The following CCL28 variants were observed in gnomAD, a reference collection of about 807,000 sequenced individuals.
The protein encoded by CCL28 is C-C motif chemokine 28.
CCL28 carries 4 observed loss-of-function variants against 7.1 expected under a neutral mutation model. That is an observed-to-expected ratio of 0.56 (90% CI 0.28 to 1.29). CCL28 has a LOEUF of 1.29. CCL28 is among the 50% of genes most tolerant of loss of function. The probability of loss-of-function intolerance (pLI) is 0.11; values close to 1 mark genes in which losing one functional copy is unlikely to be tolerated. For missense variants in CCL28, 151 were observed against 163.4 expected, an observed-to-expected ratio of 0.92 and a Z score of 0.41; for synonymous variants, 55 against 57.8, an observed-to-expected ratio of 0.95 and a Z score of 0.22.
intron 1 of CCL28, among the ~76,000 whole-genome samples, chr5:43,410,797 G>A (rs1381822345): frequency 6.6e-6 from 1 of 152,142 alleles, no homozygotes; most frequent in Non-Finnish European, 1.5e-5. Context: ...TAGCAGGTAG[G>A]CCTTTCAGAA....
chr5:43,400,996 T>C (rs1039858896), intron 1 of CCL28, among the ~76,000 whole-genome samples: 7 of 149,028 alleles, frequency 4.7e-5, no homozygotes, highest in African/African-American at 1.7e-4. Context: ...GACAGGAGAA[T>C]CACTTGAACC....
At chr5:43,374,074 T>A (rs184325628), downstream of CCL28, among the ~76,000 whole-genome samples, 1 of 152,348 alleles carries the variant, frequency 6.6e-6, no homozygotes. Flanking sequence ...TCAGTAGAAG[T>A]TGGTCATCTC....
chr5:43,389,464 G>A (rs1414084425), intron 1 of CCL28, among the ~76,000 whole-genome samples: 2 of 152,122 alleles, frequency 1.3e-5, no homozygotes, highest in African/African-American at 2.4e-5. Flanking sequence ...GAATCACTAC[G>A]CTAGACCCTG....
In CCL28 at chr5:43,404,610, A is replaced by C. The variant is rs189600720; in HGVS notation, c.64+7643T>G. 2.9e-3 allele frequency among the ~76,000 whole-genome samples: 443 copies of C among 152,318 alleles called. 3 individuals are homozygous for C. The highest frequency in any genetic ancestry group is 9.8e-4 in the Non-Finnish European group (67 of 68,024). The stretch of plus-strand genomic sequence containing the variant: ...AAGAAACTGCATCAACTAACGGGCA[A>C]AATAACCAGCTAGCATCATAATGAC... On this transcript the variant is annotated intron_variant, in intron 1 of 2. Coordinates refer to ENST00000361115, the MANE Select transcript of CCL28 (RefSeq NM_148672.3).
At chr5:43,403,321 G>T (rs767511808) in intron 1 of CCL28, among the ~76,000 whole-genome samples, 13 of 152,166 alleles carry the variant, frequency 8.5e-5, no homozygotes, top group Non-Finnish European at 1.9e-4. Flanking sequence ...GCTTGCAGAG[G>T]AAGGATCAGG....
the CCL28 span, among the ~76,000 whole-genome samples, chr5:43,366,035 A>T: frequency 2.6e-5 from 4 of 152,156 alleles, no homozygotes; most frequent in Non-Finnish European, 4.4e-5. Flanking sequence ...GTTCTTCTCT[A>T]AACTGGTTAT....
At chr5:43,388,167 A>G (rs1740416932) in intron 2 of CCL28, 183 bp downstream of exon 2, 1 of 647,214 alleles carries the variant, frequency 1.5e-6, no homozygotes, top group Middle Eastern at 4.2e-4. Context: ...ATCTTTGGAC[A>G]GAGAGACTAT....
the CCL28 span, among the ~76,000 whole-genome samples, chr5:43,358,421 G>C: frequency 1.3e-5 from 2 of 152,180 alleles, no homozygotes; most frequent in Non-Finnish European, 2.9e-5. Flanking sequence ...AAAGCAGAGG[G>C]GACTTGCTTA....
chr5:43,394,233 T>C (rs1244982490), intron 1 of CCL28, among the ~76,000 whole-genome samples: 8 of 152,238 alleles, frequency 5.3e-5, no homozygotes, highest in Non-Finnish European at 1.2e-4. Context: ...TAAGACACTT[T>C]TTAATAAATC....
At chr5:43,382,126 A>T (rs1740144635) in intron 2 of CCL28, 74 bp from the exon 3 acceptor site, 1 of 1,353,576 alleles carries the variant, frequency 7.4e-7, no homozygotes, top group Non-Finnish European at 1.0e-6. Context: ...ACTTACATGC[A>T]GCTCCCACTT....
Position 43,411,480 on chromosome 5 carries a change from TTTC to T in CCL28, c.64+770_64+772del, listed in dbSNP as rs1214633858. ...ATGGTTCAATCTCCCTCATCCTGCT[TTTC>T]TTCTTTTTCTTTCTTTCCTTTCCTT... is the stretch of plus-strand genomic sequence containing the variant. On this transcript the variant is annotated intron_variant, in intron 1 of 2. Coordinates refer to ENST00000361115, the MANE Select transcript of CCL28 (RefSeq NM_148672.3). Among the ~76,000 whole-genome samples, 7 of 152,198 alleles carry T rather than the reference TTTC, an allele frequency of 4.6e-5. No individual in the cohort carries two copies. The South Asian group carries it at 1.5e-3, about 32-fold the overall frequency.
At chr5:43,403,935 GA>G (rs1741155577) in intron 1 of CCL28, among the ~76,000 whole-genome samples, 1 of 152,148 alleles carries the variant, frequency 6.6e-6, no homozygotes, top group Non-Finnish European at 1.5e-5. Flanking sequence ...TGAATGAAAT[GA>G]AGTGAGAAGA....
intron 1 of CCL28, among the ~76,000 whole-genome samples, chr5:43,407,631 A>G (rs529645772): frequency 6.6e-6 from 1 of 152,388 alleles, no homozygotes; most frequent in East Asian, 1.9e-4. Context: ...ACAATAGCCA[A>G]AATTGACAAA....
At chr5:43,392,476 T>C (rs1361344173) in intron 1 of CCL28, among the ~76,000 whole-genome samples, 1 of 152,188 alleles carries the variant, frequency 6.6e-6, no homozygotes, top group Non-Finnish European at 1.5e-5. Context: ...CTGGAACACA[T>C]TTGGAGAACC....
chr5:43,409,427 T>G (rs1039063027), intron 1 of CCL28, among the ~76,000 whole-genome samples: 7 of 151,668 alleles, frequency 4.6e-5, no homozygotes, highest in African/African-American at 1.5e-4. Flanking sequence ...AAACTCCATC[T>G]CCAAAAACAA....
Position 43,408,337 on chromosome 5 carries a change from T to C in CCL28, c.64+3916A>G, listed in dbSNP as rs182683960. On this transcript the variant is annotated intron_variant, in intron 1 of 2. Transcript: ENST00000361115. ...AAAAAGGATGAGTTCATGTCCTTTG[T>C]AGGGACATGGATGATGCTGGAAACC... 3.6e-3 allele frequency among the ~76,000 whole-genome samples: 544 copies of C among 152,270 alleles called. 3 individuals carry two copies. Among genetic ancestry groups the C allele is most frequent in the South Asian group, 6.8e-3 (33 of 4,824 alleles).
At chr5:43,399,158 C>T (rs1376203689) in intron 1 of CCL28, among the ~76,000 whole-genome samples, 1 of 152,186 alleles carries the variant, frequency 6.6e-6, no homozygotes, top group Non-Finnish European at 1.5e-5. Flanking sequence ...TTCCTTTTCT[C>T]ATCTCGTTTA....
chr5:43,360,420 C>T, the CCL28 span, among the ~76,000 whole-genome samples: 1 of 152,172 alleles, frequency 6.6e-6, no homozygotes, highest in East Asian at 1.9e-4. Context: ...TTTCCTTCTA[C>T]CCACCCTCCA....
At chr5:43,399,530 T>C (rs1173324809) in intron 1 of CCL28, among the ~76,000 whole-genome samples, 1 of 152,242 alleles carries the variant, frequency 6.6e-6, no homozygotes, top group Non-Finnish European at 1.5e-5. Flanking sequence ...CTGGTATTAG[T>C]GCTAAAAAAG....
Sources: allele counts gnomAD v4.1 joint callset (sites outside exome capture counted in the v4.1 genomes callset), GRCh38; gene constraint gnomAD v4.1.1; transcripts MANE v1.5; gene names NCBI Gene and HGNC (gene_info 2026-07-23, HGNC 2026-07-21).